TBC1D9: variants seen among roughly 807,000 people sequenced by gnomAD.
TBC1D9 encodes TBC1 domain family member 9, also known as TBC1 domain family member 9A.
In TBC1D9, 63 loss-of-function variants were observed where a neutral mutation model predicts 132.0. The observed-to-expected ratio is 0.48, with a 90% CI of 0.39 to 0.59. TBC1D9 has a LOEUF of 0.59. Among genes scored for constraint, TBC1D9 ranks in the 20% least tolerant of loss-of-function variants. TBC1D9 has a pLI of 0.00. For missense variants in TBC1D9, 1,261 were observed against 1,592.7 expected, an observed-to-expected ratio of 0.79 and a Z score of 3.54; for synonymous variants, 610 against 609.9, an observed-to-expected ratio of 1.00 and a Z score of 0.00.
intron 2 of TBC1D9, among the ~76,000 whole-genome samples, chr4:140,693,701 A>C (rs1367579052): frequency 6.6e-6 from 1 of 152,250 alleles, no homozygotes; most frequent in Non-Finnish European, 1.5e-5. Context: ...TCAAGAAAAG[A>C]AACTAGCTGT....
At chr4:140,714,704 T>C (rs147558750) in intron 1 of TBC1D9, among the ~76,000 whole-genome samples, 69 of 152,340 alleles carry the variant, frequency 4.5e-4, no homozygotes, top group Admixed American at 9.1e-4. Flanking sequence ...AAGAGATAGC[T>C]TTCCAGGACC....
chr4:140,749,252 T>C (rs1302840486), intron 1 of TBC1D9, among the ~76,000 whole-genome samples: 1 of 151,644 alleles, frequency 6.6e-6, no homozygotes, highest in Non-Finnish European at 1.5e-5. Context: ...ATAATATAAT[T>C]GGATGAGTCA....
chr4:140,728,401 T>TAAA (rs35141147), intron 1 of TBC1D9, among the ~76,000 whole-genome samples: 1 of 143,006 alleles, frequency 7.0e-6, no homozygotes, highest in Non-Finnish European at 1.6e-5. Flanking sequence ...CTTTAAATGG[T>TAAA]AAAAAAAAAA....
intron 1 of TBC1D9, among the ~76,000 whole-genome samples, chr4:140,704,995 G>A (rs1022842939): frequency 1.4e-4 from 21 of 152,172 alleles, no homozygotes; most frequent in African/African-American, 1.2e-4. Flanking sequence ...ATTACAGAAA[G>A]TATAATATCA....
intron 10 of TBC1D9, among the ~76,000 whole-genome samples, chr4:140,660,169 A>G (rs1737335377): frequency 6.6e-6 from 1 of 152,242 alleles, no homozygotes; most frequent in Non-Finnish European, 1.5e-5. Context: ...TGAGAGAACA[A>G]CGAAACCTTT....
At chr4:140,642,088 G>C in intron 13 of TBC1D9, 1 of 714,902 alleles carries the variant, frequency 1.4e-6, no homozygotes, top group Non-Finnish European at 2.6e-6. Context: ...GGCGGAGGAG[G>C]GGGTGTGTGC....
At chr4:140,669,550 G>T in intron 8 of TBC1D9, 84 bp downstream of exon 8, 1 of 1,379,740 alleles carries the variant, frequency 7.2e-7, no homozygotes, top group Non-Finnish European at 9.9e-7. Context: ...ACATAGGCAT[G>T]TGTGAATTTA....
rs914356394 is a variant in TBC1D9 at position 140,627,677 on chromosome 4, C to A, written c.2813-150G>T. ...GCCTTGAGTGCCTACTGTCTCTAAA[C>A]CTTAGTGGAGGAGGTCACTAACTCC... On this transcript the variant is annotated intron_variant, in intron 17 of 20. Transcript: ENST00000442267. 17 of 586,662 alleles carry A rather than the reference C, an allele frequency of 2.9e-5. No individual in the cohort carries two copies. In the South Asian group the frequency reaches 3.6e-4, roughly 12 times the overall value. The allele number at this position is 586,662 out of a possible 1,614,324, so 36.3% of individuals were successfully genotyped here.
At chr4:140,750,474 A>T (rs533330566) in intron 1 of TBC1D9, among the ~76,000 whole-genome samples, 3 of 152,246 alleles carry the variant, frequency 2.0e-5, no homozygotes, top group South Asian at 4.1e-4. Context: ...TATATAAAAC[A>T]GCAATATTTC....
At position 140,677,145 on chromosome 4, in the gene TBC1D9, T is replaced by C. The variant is rs1269105029; in HGVS notation, c.852-44A>G. 4.4e-6 allele frequency: 7 copies of C among 1,604,258 alleles called. No homozygotes were observed. In the South Asian group the frequency reaches 6.6e-5, roughly 15 times the overall value. On this transcript the variant is annotated intron_variant, in intron 5 of 20. Coordinates refer to ENST00000442267, the MANE Select transcript of TBC1D9 (RefSeq NM_015130.3). ...AATTCACATAAGAAAAATGTTTCCA[T>C]ACCTTCTAAATTATGCAGCAGCGGA...
At chr4:140,743,675 C>T (rs1391634274) in intron 1 of TBC1D9, among the ~76,000 whole-genome samples, 1 of 152,136 alleles carries the variant, frequency 6.6e-6, no homozygotes, top group Admixed American at 6.5e-5. Flanking sequence ...CAAGGTGGTA[C>T]CTACCACAGC....
In TBC1D9 at chr4:140,657,028, A is replaced by T. The variant is rs912523124; in HGVS notation, c.2337+69T>A. ...GTCTGTGGTATTCTGTTATAGCAGC[A>T]CAAAACAGGCAGCAGTGGAAGTGTC... is the stretch of plus-strand genomic sequence containing the variant. On this transcript the variant is annotated intron_variant, in intron 13 of 20. Transcript: ENST00000442267. The T allele has an allele frequency of 1.1e-5, 17 of 1,565,926 alleles. No homozygotes were observed. In the African/African-American group the frequency reaches 1.9e-4, roughly 17 times the overall value.
chr4:140,663,683 T>C (rs1458572389), intron 9 of TBC1D9, among the ~76,000 whole-genome samples: 2 of 152,192 alleles, frequency 1.3e-5, no homozygotes, highest in Non-Finnish European at 2.9e-5. Context: ...GGGGCATATA[T>C]ACAAAATGGG....
At position 140,622,627 on chromosome 4, in the gene TBC1D9, T is replaced by C; in HGVS notation, c.3369A>G (p.Glu1123=). The C allele has an allele frequency of 6.2e-7, 1 of 1,612,532 alleles. No individual in the cohort carries two copies. ...LPASLAPDSE[E]HSLGGQMEDI... is the part of the protein sequence containing the mutation. ...CCTCCATTTGTCCTCCAAGGGAGTG[T>C]TCCTCGCTGTCGGGGGCCAGGCTGG... is the stretch of plus-strand genomic sequence containing the variant. Residue 1123 remains glutamate (E), a synonymous_variant, in exon 21 of 21, where the codon GAA becomes GAG. Coordinates refer to ENST00000442267, the MANE Select transcript of TBC1D9 (RefSeq NM_015130.3).
chr4:140,626,127 G>T (rs1470542370), intron 18 of TBC1D9, among the ~76,000 whole-genome samples: 2 of 152,202 alleles, frequency 1.3e-5, no homozygotes, highest in Admixed American at 1.3e-4. Flanking sequence ...TAGCCAGAAT[G>T]TGACTGCTAA....
chr4:140,746,228 C>T (rs1738833987), intron 1 of TBC1D9, among the ~76,000 whole-genome samples: 1 of 152,160 alleles, frequency 6.6e-6, no homozygotes. Context: ...AGTTGATACA[C>T]AAACACATTT....
At position 140,669,973 on chromosome 4, in the gene TBC1D9, A is replaced by G. The variant is rs559259498; in HGVS notation, c.1267-169T>C. Among the ~76,000 whole-genome samples the G allele has an allele frequency of 2.0e-4, 31 of 152,366 alleles. No individual in the cohort carries two copies. In the South Asian group the frequency reaches 6.4e-3, roughly 32 times the overall value. Reference sequence around the variant, plus strand: ...GCAAGCCATCATTTTGGCAGGGATTAGACAGGTGGCTGGGTCCCAGGCCGC... The same window carrying G: ...GCAAGCCATCATTTTGGCAGGGATTGGACAGGTGGCTGGGTCCCAGGCCGC... On this transcript the variant is annotated intron_variant, in intron 7 of 20. Coordinates refer to ENST00000442267, the MANE Select transcript of TBC1D9 (RefSeq NM_015130.3).
chr4:140,743,707 A>G lies in TBC1D9; in HGVS notation c.130+12209T>C, dbSNP rs540681789. Among the ~76,000 whole-genome samples the G allele has an allele frequency of 1.6e-4, 25 of 152,318 alleles. 1 individual carries two copies. Among genetic ancestry groups the G allele is most frequent in the African/African-American group, 5.8e-4 (24 of 41,570 alleles). On this transcript the variant is annotated intron_variant, in intron 1 of 20. Transcript: ENST00000442267. Reference sequence around the variant, plus strand: ...CAGCTGTTGGCATTGTAAGCTGCCTAGGTCCACATAATTACAAATCCTGTT... The same window carrying G: ...CAGCTGTTGGCATTGTAAGCTGCCTGGGTCCACATAATTACAAATCCTGTT...
chr4:140,648,489 G>A lies in TBC1D9; in HGVS notation c.2337+8608C>T, dbSNP rs528861701. 3.3e-5 allele frequency among the ~76,000 whole-genome samples: 5 copies of A among 149,262 alleles called. No homozygotes were observed. In the South Asian group the frequency reaches 1.1e-3, roughly 33 times the overall value. ...CAGCCTCAACCTCCTAGGCTCAGAT[G>A]ATCCTCCCACCTCAGCCTCCCAAGT... On this transcript the variant is annotated intron_variant, in intron 13 of 20. Transcript: ENST00000442267.
Sources: allele counts gnomAD v4.1 joint callset (sites outside exome capture counted in the v4.1 genomes callset), GRCh38; gene constraint gnomAD v4.1.1; transcripts MANE v1.5; gene names NCBI Gene and HGNC (gene_info 2026-07-23, HGNC 2026-07-21).